Variants in DOCK1 observed in about 807,000 individuals in gnomAD.
The protein encoded by DOCK1 is dedicator of cytokinesis 1.
Under a neutral mutation model 262.7 loss-of-function variants are expected in DOCK1, and 138 were observed. The observed-to-expected ratio is 0.53, with a 90% CI of 0.46 to 0.61. The LOEUF is 0.61. Among genes scored for constraint, DOCK1 ranks in the 20% least tolerant of loss-of-function variants. DOCK1 has a pLI of 0.00. For missense variants in DOCK1, 1,908 were observed against 2,370.7 expected (o/e 0.80, Z 4.05); for synonymous variants, 866 against 867.4 (o/e 1.00, Z 0.03).
intron 47 of DOCK1, among the ~76,000 whole-genome samples, chr10:127,427,156 C>A (rs767664273): frequency 6.6e-6 from 1 of 152,210 alleles, no homozygotes; most frequent in Admixed American, 6.5e-5. Flanking sequence ...GAGCTCTCTT[C>A]TGTCTACTGG....
Position 127,065,717 on chromosome 10 carries a change from G to T in DOCK1, c.2445+3941G>T, listed in dbSNP as rs373588751. ...TCCAGCTCCAGGCATATCCTCTGCC[G>T]CACATCACCTACCTTGAGTGAATGA... On this transcript the variant is annotated intron_variant, in intron 23 of 51. Transcript: ENST00000623213. 1.1e-4 allele frequency among the ~76,000 whole-genome samples: 16 copies of T among 152,120 alleles called. No individual in the cohort carries two copies. In the East Asian group the frequency reaches 1.7e-3, roughly 17 times the overall value.
At chr10:126,957,038 A>C (rs1359478158) in intron 1 of DOCK1, among the ~76,000 whole-genome samples, 2 of 152,134 alleles carry the variant, frequency 1.3e-5, no homozygotes, top group Non-Finnish European at 2.9e-5. Context: ...GCTGCACCCG[A>C]CGGGGGAAAG....
intron 21 of DOCK1, among the ~76,000 whole-genome samples, chr10:127,049,951 A>G (rs189718534): frequency 3.8e-4 from 57 of 149,562 alleles, no homozygotes; most frequent in African/African-American, 1.1e-3. Context: ...TTAACAGCAT[A>G]ATGACAAAAC....
At chr10:127,091,877 T>G (rs1418621230) in intron 23 of DOCK1, among the ~76,000 whole-genome samples, 1 of 152,108 alleles carries the variant, frequency 6.6e-6, no homozygotes, top group African/African-American at 2.4e-5. Flanking sequence ...TGGGGGCCCA[T>G]TCATGCTTAC....
chr10:127,292,191 T>G (rs1718595337), intron 29 of DOCK1, among the ~76,000 whole-genome samples: 1 of 152,134 alleles, frequency 6.6e-6, no homozygotes. Flanking sequence ...CTGCATTAAT[T>G]TTTCTTTTTA....
At chr10:127,023,449 C>A in intron 14 of DOCK1, 125 bp downstream of exon 14, 2 of 1,318,294 alleles carry the variant, frequency 1.5e-6, no homozygotes, top group Non-Finnish European at 2.1e-6. Flanking sequence ...TTGGGATTGG[C>A]GTTGGTTCTT....
intron 27 of DOCK1, among the ~76,000 whole-genome samples, chr10:127,217,042 G>C (rs1250948403): frequency 6.6e-6 from 1 of 152,136 alleles, no homozygotes; most frequent in Non-Finnish European, 1.5e-5. Flanking sequence ...CAGAGAGGAA[G>C]AGAGGGAGAG....
chr10:126,941,166 T>A (rs1432254410), intron 1 of DOCK1, among the ~76,000 whole-genome samples: 2 of 152,192 alleles, frequency 1.3e-5, no homozygotes, highest in Non-Finnish European at 2.9e-5. Context: ...CAGAGGGCAT[T>A]TCAGCTGTTT....
chr10:126,970,758 A>C lies in DOCK1; in HGVS notation c.103A>C (p.Thr35Pro). ...TGAACTTTCTTTACAGATCGGAGAC[A>C]CTGTGCACATCTTAGAAACATATGA... ...ADELSLQIGDTVHILETYEGW... is the reference protein window; with the variant it reads ...ADELSLQIGDPVHILETYEGW... The change falls in exon 2 of 52, where the codon ACT (threonine) becomes CCT (proline). Residue 35 changes from threonine to proline, a missense_variant. By Grantham distance (38) the Thr-to-Pro change is conservative. Coordinates refer to ENST00000623213, the MANE Select transcript of DOCK1 (RefSeq NM_001290223.2). The C allele has an allele frequency of 6.2e-7, 1 of 1,613,704 alleles. No homozygotes were observed. The highest frequency in any genetic ancestry group is 8.5e-7 in the Non-Finnish European group (1 of 1,179,658).
intron 10 of DOCK1, among the ~76,000 whole-genome samples, chr10:127,004,239 CAAAA>C (rs566053855): frequency 2.1e-4 from 25 of 117,418 alleles, no homozygotes; most frequent in South Asian, 2.6e-4. Context: ...GACTCCATCT[CAAAA>C]AAAAAAAGAA....
At chr10:127,099,715 A>G (rs916409168) in intron 23 of DOCK1, among the ~76,000 whole-genome samples, 11 of 152,120 alleles carry the variant, frequency 7.2e-5, no homozygotes, top group African/African-American at 2.7e-4. Context: ...ACCCTCCCCT[A>G]TGACCCAGAC....
intron 29 of DOCK1, among the ~76,000 whole-genome samples, chr10:127,304,487 G>C (rs928919955): frequency 6.6e-6 from 1 of 152,080 alleles, no homozygotes; most frequent in African/African-American, 2.4e-5. Context: ...AAAACCTCCA[G>C]AGTAGGAGGA....
intron 1 of DOCK1, among the ~76,000 whole-genome samples, chr10:126,905,830 G>A (rs2030657163): frequency 1.3e-5 from 2 of 151,854 alleles, no homozygotes; most frequent in African/African-American, 4.8e-5. Flanking sequence ...CCCTCCCTAG[G>A]GTGTCCCCTC....
intron 45 of DOCK1, 47 bp from the exon 46 acceptor site, chr10:127,419,617 CTG>C: frequency 1.3e-6 from 2 of 1,534,876 alleles, no homozygotes; most frequent in Non-Finnish European, 8.9e-7. Context: ...GTGCAAAAAC[CTG>C]TGTTTGCTGA....
intron 27 of DOCK1, among the ~76,000 whole-genome samples, chr10:127,218,885 C>T (rs558721968): frequency 6.6e-6 from 1 of 152,170 alleles, no homozygotes; most frequent in Non-Finnish European, 1.5e-5. Context: ...CTCTCTACTT[C>T]CAAGATGGCG....
chr10:127,047,451 T>C (rs2044424751), intron 21 of DOCK1, among the ~76,000 whole-genome samples: 1 of 152,248 alleles, frequency 6.6e-6, no homozygotes, highest in Non-Finnish European at 1.5e-5. Flanking sequence ...AACATTGTTA[T>C]TAAGATTATG....
At position 127,374,167 on chromosome 10, in the gene DOCK1, CACG is replaced by C. The variant is rs761090181; in HGVS notation, c.3633_3635del (p.Asp1211del). ...GCTTTTGGATTATAGAACCATCATG[CACG>C]ACGAGAACAAAGAAAACCGCATGAG... On this transcript the variant is annotated inframe_deletion, in exon 35 of 52. Transcript: ENST00000623213. 1 of 1,613,630 alleles carries C rather than the reference CACG, an allele frequency of 6.2e-7. No homozygotes were observed. Among genetic ancestry groups the C allele is most frequent in the Non-Finnish European group, 8.5e-7 (1 of 1,179,784 alleles).
chr10:127,397,066 TTACACGGGCAGC>T (rs2134256542), intron 38 of DOCK1, among the ~76,000 whole-genome samples: 1 of 137,404 alleles, frequency 7.3e-6, no homozygotes, highest in South Asian at 2.3e-4. Flanking sequence ...TGAGCATGAG[TTACACGGGCAGC>T]GACTCCTATG....
chr10:127,055,458 C>T (rs997105859), intron 22 of DOCK1, among the ~76,000 whole-genome samples: 2 of 152,192 alleles, frequency 1.3e-5, no homozygotes, highest in African/African-American at 4.8e-5. Context: ...TCTTATTGGC[C>T]AGAACCATGT....
Sources: gnomAD v4.1 joint callset for allele counts (sites outside exome capture counted in the v4.1 genomes callset) on GRCh38, gnomAD v4.1.1 for gene constraint, MANE v1.5 for transcripts, NCBI Gene and HGNC (gene_info 2026-07-23, HGNC 2026-07-21) for gene names.